Variants in XIRP2 observed in about 807,000 individuals in gnomAD.
The protein encoded by XIRP2 is xin actin binding repeat containing 2, also known as xin actin-binding repeat-containing protein 2.
In XIRP2, 236 loss-of-function variants were observed where a neutral mutation model predicts 277.0. That is an observed-to-expected ratio of 0.85 (90% CI 0.77 to 0.95). The LOEUF (loss-of-function observed/expected upper bound fraction) is 0.95, where lower values mean the gene tolerates loss of function less well. Among genes scored for constraint, XIRP2 ranks in the 40% least tolerant of loss-of-function variants. The pLI, the probability that XIRP2 is intolerant of heterozygous loss-of-function variation, is 0.00. For synonymous variants in XIRP2, 1,490 were observed against 1,416.5 expected (o/e 1.05, Z -1.17); for missense variants, 4,640 against 4,157.5 (o/e 1.12, Z -3.19).
At chr2:167,101,794 T>A (rs1239284970) in intron 2 of XIRP2, among the ~76,000 whole-genome samples, 1 of 152,196 alleles carries the variant, frequency 6.6e-6, no homozygotes, top group Non-Finnish European at 1.5e-5. Context: ...ACATTTGAAA[T>A]GTTTATGATA....
chr2:167,090,577 C>G (rs1398921463), intron 2 of XIRP2, among the ~76,000 whole-genome samples: 1 of 151,990 alleles, frequency 6.6e-6, no homozygotes, highest in African/African-American at 2.4e-5. Context: ...ATACTTGATG[C>G]TAGGTGATTT....
chr2:167,061,763 A>G (rs1366886990), intron 2 of XIRP2, among the ~76,000 whole-genome samples: 1 of 152,004 alleles, frequency 6.6e-6, no homozygotes, highest in African/African-American at 2.4e-5. Flanking sequence ...TAACCCAAGT[A>G]ATGTGAAGGA....
intron 3 of XIRP2, among the ~76,000 whole-genome samples, chr2:167,174,174 G>T (rs1692774044): frequency 6.6e-6 from 1 of 152,166 alleles, no homozygotes; most frequent in Admixed American, 6.5e-5. Context: ...GTTTGGAATA[G>T]TTTCAGAAGG....
chr2:167,199,029 C>CA (rs748566833), intron 3 of XIRP2, among the ~76,000 whole-genome samples: 3 of 152,086 alleles, frequency 2.0e-5, no homozygotes, highest in Non-Finnish European at 4.4e-5. Flanking sequence ...TTTTATTATT[C>CA]AAACAAGAAG....
intron 2 of XIRP2, among the ~76,000 whole-genome samples, chr2:167,012,245 A>G (rs961525072): frequency 1.3e-5 from 2 of 151,772 alleles, no homozygotes; most frequent in African/African-American, 4.8e-5. Context: ...TGTCCCAGAG[A>G]TTCTGGTATG....
intron 2 of XIRP2, among the ~76,000 whole-genome samples, chr2:167,086,253 G>A (rs1471233872): frequency 6.6e-6 from 1 of 152,124 alleles, no homozygotes; most frequent in Non-Finnish European, 1.5e-5. Context: ...TTTTCTTTAA[G>A]AATGTTGGAT....
At chr2:166,984,958 C>T (rs182114087) in intron 2 of XIRP2, among the ~76,000 whole-genome samples, 2 of 152,298 alleles carry the variant, frequency 1.3e-5, no homozygotes, top group African/African-American at 4.8e-5. Flanking sequence ...TACCCACAAA[C>T]CAAGTGTTTA....
At chr2:167,159,953 A>G (rs564801604) in intron 3 of XIRP2, among the ~76,000 whole-genome samples, 1 of 152,356 alleles carries the variant, frequency 6.6e-6, no homozygotes, top group African/African-American at 2.4e-5. Context: ...CAGTCAGAGT[A>G]CTTTTCCAAC....
intron 2 of XIRP2, among the ~76,000 whole-genome samples, chr2:167,110,156 G>A (rs1690715917): frequency 6.6e-6 from 1 of 151,988 alleles, no homozygotes; most frequent in Admixed American, 6.6e-5. Context: ...TTCTTTTGTT[G>A]TGCAGAAATT....
intron 2 of XIRP2, among the ~76,000 whole-genome samples, chr2:166,920,111 T>C (rs1054032734): frequency 3.9e-5 from 6 of 152,160 alleles, no homozygotes; most frequent in Non-Finnish European, 7.4e-5. Context: ...GGCACTGTGC[T>C]ACCACTAATA....
chr2:166,902,875 G>A (rs1442507187), intron 1 of XIRP2, among the ~76,000 whole-genome samples: 1 of 152,036 alleles, frequency 6.6e-6, no homozygotes, highest in East Asian at 1.9e-4. Context: ...AATAATAGTA[G>A]CAACTAACTC....
At chr2:166,906,361 C>G (rs1684523940) in intron 2 of XIRP2, among the ~76,000 whole-genome samples, 2 of 151,852 alleles carry the variant, frequency 1.3e-5, no homozygotes, top group Admixed American at 6.6e-5. Context: ...AGTAAATAGA[C>G]ATACATAAAC....
chr2:167,005,807 A>C lies in XIRP2; in HGVS notation c.408+101917A>C, dbSNP rs1687489297. On this transcript the variant is annotated intron_variant, in intron 2 of 10. Coordinates refer to ENST00000409195, the MANE Select transcript of XIRP2 (RefSeq NM_152381.6). ...TTATTGATAAAAAAAAAAAAATTAC[A>C]CAACTGGCTGTTTGCTGAGCCAAAA... Among the ~76,000 whole-genome samples the C allele has an allele frequency of 2.0e-5, 3 of 151,624 alleles. No individual in the cohort carries two copies. The South Asian group carries it at 6.2e-4, about 31-fold the overall frequency.
intron 3 of XIRP2, among the ~76,000 whole-genome samples, chr2:167,200,597 A>G (rs1407552977): frequency 2.0e-5 from 3 of 152,210 alleles, no homozygotes; most frequent in Non-Finnish European, 2.9e-5. Context: ...AACACTTTAC[A>G]TGTCATATAC....
At chr2:167,091,346 C>T (rs551064239) in intron 2 of XIRP2, among the ~76,000 whole-genome samples, 13 of 152,232 alleles carry the variant, frequency 8.5e-5, no homozygotes, top group African/African-American at 3.1e-4. Flanking sequence ...TCACAGTGTC[C>T]TCTATGTCCC....
chr2:167,231,312 T>C (rs576739653), intron 5 of XIRP2, among the ~76,000 whole-genome samples: 4 of 152,146 alleles, frequency 2.6e-5, no homozygotes, highest in African/African-American at 9.6e-5. Context: ...CAACTCTTTA[T>C]GATACCCTTA....
chr2:167,252,293 C>A (rs779599303), intron 9 of XIRP2, among the ~76,000 whole-genome samples: 2 of 151,908 alleles, frequency 1.3e-5, no homozygotes, highest in Non-Finnish European at 2.9e-5. Context: ...AAATAATATC[C>A]TTTGGCCTAA....
At chr2:167,070,641 TC>T (rs1367392827) in intron 2 of XIRP2, among the ~76,000 whole-genome samples, 2 of 152,222 alleles carry the variant, frequency 1.3e-5, no homozygotes, top group African/African-American at 4.8e-5. Context: ...AAATAGACTT[TC>T]TTTTCATTTT....
At chr2:167,194,328 G>T (rs1178494399) in intron 3 of XIRP2, among the ~76,000 whole-genome samples, 1 of 152,030 alleles carries the variant, frequency 6.6e-6, no homozygotes, top group Non-Finnish European at 1.5e-5. Flanking sequence ...TTATCCACCT[G>T]CCTCAGCCTC....
Sources: allele counts gnomAD v4.1 joint callset (sites outside exome capture counted in the v4.1 genomes callset), GRCh38; gene constraint gnomAD v4.1.1; transcripts MANE v1.5; gene names NCBI Gene and HGNC (gene_info 2026-07-23, HGNC 2026-07-21).